The following SFMBT2 variants were observed in gnomAD, a reference collection of about 807,000 sequenced individuals.
SFMBT2 encodes the protein scm-like with four MBT domains protein 2.
Under a neutral mutation model 110.1 loss-of-function variants are expected in SFMBT2, and 38 were observed. The observed-to-expected ratio is 0.35, with a 90% CI of 0.27 to 0.45. The LOEUF (loss-of-function observed/expected upper bound fraction) is 0.45. SFMBT2 is among the 20% of genes least tolerant of loss of function. The probability of loss-of-function intolerance (pLI) is 1.00; values close to 1 mark genes in which losing one functional copy is unlikely to be tolerated. For synonymous variants in SFMBT2, 425 were observed against 425.4 expected (o/e 1.00, Z 0.01); for missense variants, 1,011 against 1,094.9 (o/e 0.92, Z 1.08).
At chr10:7,283,384 T>C (rs539984344) in intron 6 of SFMBT2, among the ~76,000 whole-genome samples, 9 of 152,034 alleles carry the variant, frequency 5.9e-5, no homozygotes, top group Non-Finnish European at 1.0e-4. Flanking sequence ...TCAGACTGGA[T>C]TGTGGTTTGG....
intron 16 of SFMBT2, among the ~76,000 whole-genome samples, chr10:7,179,673 G>A (rs911154541): frequency 6.6e-6 from 1 of 152,216 alleles, no homozygotes; most frequent in African/African-American, 2.4e-5. Context: ...ACAAACTGCA[G>A]AACAAGGCTC....
At chr10:7,197,061 C>T (rs1335015351) in intron 15 of SFMBT2, among the ~76,000 whole-genome samples, 1 of 152,032 alleles carries the variant, frequency 6.6e-6, no homozygotes, top group African/African-American at 2.4e-5. Flanking sequence ...CATTACCTCC[C>T]GTGTGCAGGT....
At chr10:7,378,681 T>G (rs529656856) in intron 2 of SFMBT2, among the ~76,000 whole-genome samples, 68 of 142,164 alleles carry the variant, frequency 4.8e-4, no homozygotes, top group East Asian at 4.4e-3. Flanking sequence ...TATGTGTGGA[T>G]GGGTGGATGG....
chr10:7,353,316 C>T (rs533942542), intron 4 of SFMBT2, among the ~76,000 whole-genome samples: 3 of 152,254 alleles, frequency 2.0e-5, no homozygotes, highest in South Asian at 4.1e-4. Flanking sequence ...GCCATTTTTA[C>T]CCATCCACCC....
rs1245997233 is a variant in SFMBT2, at chr10:7,408,011, G to C, written c.-52+2850C>G. The stretch of plus-strand genomic sequence containing the variant: ...AGAAGGAAAAACTTGGGCCCTTCGA[G>C]AACCCTGTGGAATGTTCTTTGTAAT... On this transcript the variant is annotated intron_variant, in intron 1 of 20. Coordinates refer to ENST00000397167, the MANE Select transcript of SFMBT2 (RefSeq NM_001387889.1). This position sits in a 1 kb window ranked among gnomAD's most constrained non-coding sequence, Gnocchi z 5.7. 2.6e-5 allele frequency among the ~76,000 whole-genome samples: 4 copies of C among 152,230 alleles called. No individual in the cohort carries two copies.
intron 16 of SFMBT2, among the ~76,000 whole-genome samples, chr10:7,176,981 T>C (rs1425671570): frequency 6.6e-6 from 1 of 152,136 alleles, no homozygotes; most frequent in Non-Finnish European, 1.5e-5. Flanking sequence ...CTTGCCATAC[T>C]CTGCCCATGA....
intron 1 of SFMBT2, among the ~76,000 whole-genome samples, chr10:7,397,062 A>C (rs536709567): frequency 6.6e-6 from 1 of 152,338 alleles, no homozygotes; most frequent in Non-Finnish European, 1.5e-5. Context: ...AATAAAAATA[A>C]AAAATAAAAT....
Position 7,170,990 on chromosome 10 carries a change from C to T in SFMBT2, c.2482G>A (p.Asp828Asn), listed in dbSNP as rs1311668051. 6.2e-7 allele frequency: 1 copy of T among 1,614,214 alleles called. No homozygotes were observed. Among genetic ancestry groups the T allele is most frequent in the Non-Finnish European group, 8.5e-7 (1 of 1,180,028 alleles). The part of the protein sequence containing the change: ...ESNPLEWTVT[D>N]VVRFIKLTDC... ...GTCAGCTTAATGAACCTCACCACGTCGGTGACCGTCCACTCCAACGGGTTG... is the reference window on the plus strand; with the variant it reads ...GTCAGCTTAATGAACCTCACCACGTTGGTGACCGTCCACTCCAACGGGTTG... The change falls in exon 20 of 21, where the codon GAC (aspartate) becomes AAC (asparagine). Residue 828 changes from aspartate to asparagine, a missense_variant. Physicochemically the swap from Asp to Asn is conservative, Grantham distance 23 (BLOSUM62 1). Transcript: ENST00000397167. This position sits in a 1 kb window ranked among gnomAD's most constrained non-coding sequence, Gnocchi z 4.6.
intron 4 of SFMBT2, among the ~76,000 whole-genome samples, chr10:7,302,506 G>A (rs1035337226): frequency 6.6e-6 from 1 of 152,210 alleles, no homozygotes; most frequent in Non-Finnish European, 1.5e-5. Context: ...GCATAACCCA[G>A]GGGAAGTTCC....
chr10:7,186,421 TATATACACAC>T (rs942667565), intron 16 of SFMBT2, among the ~76,000 whole-genome samples: 1 of 77,444 alleles, frequency 1.3e-5, no homozygotes, highest in South Asian at 3.5e-4. Context: ...ATACATACTA[TATATACACAC>T]ACACACACAC....
chr10:7,256,742 G>A (rs1236901067), intron 7 of SFMBT2, among the ~76,000 whole-genome samples: 1 of 152,128 alleles, frequency 6.6e-6, no homozygotes, highest in Non-Finnish European at 1.5e-5. Context: ...TGGCTGCAAA[G>A]TCCACACCAA....
rs968095680 is a variant in SFMBT2 at position 7,225,045 on chromosome 10, G to A, written c.1203+2810C>T. On this transcript the variant is annotated intron_variant, in intron 10 of 20. Coordinates refer to ENST00000397167, the MANE Select transcript of SFMBT2 (RefSeq NM_001387889.1). ...AATAGGAAGCAAAGATCTTCTAGGTGGGCTATTTGTTTCTGCAAGTTACCC... is the reference window on the plus strand; with the variant it reads ...AATAGGAAGCAAAGATCTTCTAGGTAGGCTATTTGTTTCTGCAAGTTACCC... Among the ~76,000 whole-genome samples, 11 of 152,106 alleles carry A rather than the reference G, an allele frequency of 7.2e-5. 1 individual carries two copies. The highest frequency in any genetic ancestry group is 7.2e-4 in the Admixed American group (11 of 15,268).
intron 6 of SFMBT2, among the ~76,000 whole-genome samples, chr10:7,281,626 A>C (rs977883396): frequency 7.2e-5 from 11 of 152,314 alleles, no homozygotes; most frequent in South Asian, 6.2e-4. Flanking sequence ...TGTGTACAAC[A>C]GGGGTAGTAC....
intron 1 of SFMBT2, among the ~76,000 whole-genome samples, chr10:7,387,068 G>A (rs1000929630): frequency 5.3e-5 from 8 of 152,030 alleles, no homozygotes; most frequent in Admixed American, 1.3e-4. Flanking sequence ...TTAAATCATC[G>A]ATTTTTAATA....
intron 1 of SFMBT2, among the ~76,000 whole-genome samples, chr10:7,410,613 T>C (rs993802020): frequency 1.3e-5 from 2 of 152,224 alleles, no homozygotes; most frequent in Admixed American, 6.5e-5. Flanking sequence ...ACAGAGGAGT[T>C]TGAAGCTTCG....
chr10:7,354,937 A>C (rs1349519133), intron 4 of SFMBT2, among the ~76,000 whole-genome samples: 2 of 152,264 alleles, frequency 1.3e-5, no homozygotes, highest in Non-Finnish European at 2.9e-5. Context: ...ATGAGTAATC[A>C]GATAAAGACG....
chr10:7,243,881 G>C (rs773657212), intron 8 of SFMBT2, among the ~76,000 whole-genome samples, 176 bp from the exon 9 acceptor site: 24 of 152,150 alleles, frequency 1.6e-4, no homozygotes, highest in Admixed American at 4.6e-4. Flanking sequence ...TAAAAAGTTA[G>C]AATTGACTGC....
At chr10:7,229,933 G>A (rs1355449788) in intron 9 of SFMBT2, among the ~76,000 whole-genome samples, 1 of 151,598 alleles carries the variant, frequency 6.6e-6, no homozygotes, top group Non-Finnish European at 1.5e-5. Flanking sequence ...TGGCCGGGCT[G>A]GTCTCGAACT....
intron 11 of SFMBT2, among the ~76,000 whole-genome samples, chr10:7,209,962 T>C (rs1839281811): frequency 6.6e-6 from 1 of 152,234 alleles, no homozygotes; most frequent in South Asian, 2.1e-4. Context: ...GTCAGGTTAA[T>C]GAGGGGCCAA....
Sources: allele counts gnomAD v4.1 joint callset (sites outside exome capture counted in the v4.1 genomes callset), GRCh38; gene constraint gnomAD v4.1.1; non-coding constraint Gnocchi (gnomAD v3.1); transcripts MANE v1.5; gene names NCBI Gene and HGNC (gene_info 2026-07-23, HGNC 2026-07-21).